The following MAST4 variants were observed in gnomAD, a reference collection of about 807,000 sequenced individuals.
The protein encoded by MAST4 is microtubule associated serine/threonine kinase family member 4.
Under a neutral mutation model 162.7 loss-of-function variants are expected in MAST4, and 89 were observed. The ratio of observed to expected loss-of-function variants is 0.55; its 90% CI spans 0.46 to 0.65. The LOEUF (loss-of-function observed/expected upper bound fraction) is 0.65. Ranked by LOEUF, MAST4 falls within the 30% of genes least tolerant of loss-of-function variation. The pLI, the probability that MAST4 is intolerant of heterozygous loss-of-function variation, is 0.00. For synonymous variants in MAST4, 1,479 were observed against 1,361.1 expected (o/e 1.09, Z -1.91); for missense variants, 3,153 against 3,374.0 (o/e 0.93, Z 1.62).
chr5:67,082,101 A>G (rs968604508), intron 5 of MAST4, among the ~76,000 whole-genome samples: 6 of 151,696 alleles, frequency 4.0e-5, no homozygotes, highest in Admixed American at 2.6e-4. Flanking sequence ...AGGAAATACT[A>G]TGCAACCCAA....
At chr5:66,780,837 C>T (rs926486636) in intron 2 of MAST4, among the ~76,000 whole-genome samples, 2 of 152,034 alleles carry the variant, frequency 1.3e-5, no homozygotes, top group African/African-American at 2.4e-5. Flanking sequence ...TGCGGATTGG[C>T]GCATTTACAA....
intron 4 of MAST4, among the ~76,000 whole-genome samples, chr5:66,951,632 G>GTGTA (rs1554072455): frequency 7.5e-6 from 1 of 133,480 alleles, no homozygotes; most frequent in African/African-American, 2.8e-5. Context: ...GTGTGTGTGT[G>GTGTA]TGTGTGTGTG....
chr5:67,088,362 A>G (rs1433062392), intron 5 of MAST4, among the ~76,000 whole-genome samples: 1 of 152,184 alleles, frequency 6.6e-6, no homozygotes, highest in Non-Finnish European at 1.5e-5. Flanking sequence ...ATAATCAGTT[A>G]TTGTGTTACG....
chr5:67,103,107 G>C (rs1339354727), intron 9 of MAST4, among the ~76,000 whole-genome samples: 1 of 152,116 alleles, frequency 6.6e-6, no homozygotes, highest in East Asian at 1.9e-4. Flanking sequence ...AGAAGAGAAG[G>C]CACAGTTGTC....
chr5:67,094,493 C>T (rs1391290222), intron 6 of MAST4, among the ~76,000 whole-genome samples: 3 of 152,096 alleles, frequency 2.0e-5, no homozygotes, highest in Non-Finnish European at 2.9e-5. Context: ...TACAAAATGT[C>T]CATATATGAC....
At chr5:66,708,634 T>G (rs936881665) in intron 1 of MAST4, among the ~76,000 whole-genome samples, 70 of 152,308 alleles carry the variant, frequency 4.6e-4, no homozygotes, top group Non-Finnish European at 4.4e-5. Flanking sequence ...TTTCTGTTAT[T>G]ATGAGCACCA....
At chr5:66,978,048 A>G (rs921684271) in intron 4 of MAST4, among the ~76,000 whole-genome samples, 2 of 152,208 alleles carry the variant, frequency 1.3e-5, no homozygotes, top group Non-Finnish European at 2.9e-5. Flanking sequence ...ATAAATTTTT[A>G]TATTGATTGC....
At chr5:66,623,868 A>G (rs897161165) in intron 1 of MAST4, among the ~76,000 whole-genome samples, 1 of 152,208 alleles carries the variant, frequency 6.6e-6, no homozygotes, top group Admixed American at 6.5e-5. Context: ...GAAAATCCTA[A>G]AGACTTCACA....
intron 4 of MAST4, chr5:67,001,351 C>A (rs928085181): frequency 6.6e-6 from 1 of 152,082 alleles, no homozygotes; most frequent in South Asian, 2.1e-4. Flanking sequence ...AATCCACTTT[C>A]GCTCACTATA....
chr5:66,795,752 T>G (rs77476891), intron 3 of MAST4, among the ~76,000 whole-genome samples: 2 of 152,354 alleles, frequency 1.3e-5, no homozygotes, highest in East Asian at 3.9e-4. Flanking sequence ...CCAAACCAAC[T>G]GTTGGTAACC....
intron 2 of MAST4, among the ~76,000 whole-genome samples, chr5:66,788,184 G>A (rs1414635316): frequency 6.6e-6 from 1 of 152,142 alleles, no homozygotes; most frequent in African/African-American, 2.4e-5. Flanking sequence ...AAAAGGAGCT[G>A]GGGGAGAGGC....
chr5:66,779,214 G>C (rs1166980496), intron 2 of MAST4, among the ~76,000 whole-genome samples: 1 of 152,152 alleles, frequency 6.6e-6, no homozygotes, highest in East Asian at 1.9e-4. Context: ...AGACCTTGAT[G>C]CCCTCTTGGC....
chr5:66,705,487 G>A (rs1363283435), intron 1 of MAST4, among the ~76,000 whole-genome samples: 2 of 152,226 alleles, frequency 1.3e-5, no homozygotes, highest in African/African-American at 4.8e-5. Flanking sequence ...ATGTTGTGGT[G>A]TTATATTGGA....
intron 1 of MAST4, among the ~76,000 whole-genome samples, chr5:66,735,706 G>A (rs891691742): frequency 2.0e-5 from 3 of 152,136 alleles, no homozygotes; most frequent in African/African-American, 4.8e-5. Context: ...GATTTACAAC[G>A]GGATCTGCGA....
rs564788521 is a variant in MAST4, at chr5:66,734,955, A to C, written c.364-24754A>C. 3.7e-4 allele frequency among the ~76,000 whole-genome samples: 57 copies of C among 152,326 alleles called. No homozygotes were observed. The South Asian group carries it at 0.011, about 30-fold the overall frequency. ...GTTAGCATTCCATGCTCCACCCTTA[A>C]GAATATCTTCTGACCTGTATCCAAG... On this transcript the variant is annotated intron_variant, in intron 1 of 28. Coordinates refer to ENST00000403625, the MANE Select transcript of MAST4 (RefSeq NM_001164664.2).
intron 9 of MAST4, among the ~76,000 whole-genome samples, 163 bp from the exon 10 acceptor site, chr5:67,104,203 C>T (rs1274386938): frequency 6.6e-6 from 1 of 152,100 alleles, no homozygotes; most frequent in Non-Finnish European, 1.5e-5. Context: ...CATGTATGTA[C>T]CATTATTTTA....
intron 4 of MAST4, among the ~76,000 whole-genome samples, chr5:66,992,330 C>G (rs1011130904): frequency 2.0e-5 from 3 of 152,082 alleles, no homozygotes; most frequent in Admixed American, 2.0e-4. Context: ...GAACTGATGT[C>G]CTTTTCAGTG....
chr5:67,015,691 G>C (rs901025434), intron 4 of MAST4, among the ~76,000 whole-genome samples: 1 of 152,178 alleles, frequency 6.6e-6, no homozygotes, highest in East Asian at 1.9e-4. Context: ...GCACTAAAGA[G>C]GAGTCAAGTG....
At position 66,756,287 on chromosome 5, in the gene MAST4, G is replaced by T. The variant is rs532956619; in HGVS notation, c.364-3422G>T. On this transcript the variant is annotated intron_variant, in intron 1 of 28. Transcript: ENST00000403625. Reference sequence around the variant, plus strand: ...TCACACAAATCAGTATTTACTATTGGTGCATGAGGTAAGGACATATTGCTG... The same window carrying T: ...TCACACAAATCAGTATTTACTATTGTTGCATGAGGTAAGGACATATTGCTG... Among the ~76,000 whole-genome samples, 18 of 152,270 alleles carry T rather than the reference G, an allele frequency of 1.2e-4. No homozygotes were observed. In the South Asian group the frequency reaches 3.7e-3, roughly 32 times the overall value.
Sources: gnomAD v4.1 joint callset for allele counts (sites outside exome capture counted in the v4.1 genomes callset) on GRCh38, gnomAD v4.1.1 for gene constraint, MANE v1.5 for transcripts, NCBI Gene and HGNC (gene_info 2026-07-23, HGNC 2026-07-21) for gene names.